The following VAMP7 variants were observed in gnomAD, a reference collection of about 807,000 sequenced individuals.
The protein encoded by VAMP7 is vesicle associated membrane protein 7, also known as vesicle-associated membrane protein 7.
In VAMP7, 14 loss-of-function variants were observed where a neutral mutation model predicts 29.6. The ratio of observed to expected loss-of-function variants is 0.47; its 90% confidence interval spans 0.31 to 0.74. The LOEUF is 0.74. Ranked by LOEUF, VAMP7 falls within the 30% of genes least tolerant of loss-of-function variation. The pLI, the probability that VAMP7 is intolerant of heterozygous loss-of-function variation, is 0.05. For missense variants in VAMP7, 223 were observed against 262.4 expected, an observed-to-expected ratio of 0.85 and a Z score of 1.04; for synonymous variants, 95 against 88.1, an observed-to-expected ratio of 1.08 and a Z score of -0.44.
At chrX:155,940,748 A>G (rs1170559622) in intron 7 of VAMP7, among the ~76,000 whole-genome samples, 1 of 152,196 alleles carries the variant, frequency 6.6e-6, no homozygotes, top group African/African-American at 2.4e-5. Context: ...TCAACTTTAC[A>G]TCAAGTTGGT....
intron 6 of VAMP7, among the ~76,000 whole-genome samples, chrX:155,932,082 C>T (rs1296011997): frequency 6.6e-6 from 1 of 152,132 alleles, no homozygotes; most frequent in African/African-American, 2.4e-5. Flanking sequence ...TGTTTTGGTA[C>T]CAGTACCATG....
rs745430429 is a variant in VAMP7, at chrX:155,941,805, G to T, written c.595-78G>T. On this transcript the variant is annotated intron_variant, in intron 7 of 7. Coordinates refer to ENST00000286448, the MANE Select transcript of VAMP7 (RefSeq NM_005638.6). ...GGAATCAGAAGTATTTCTTAATAAG[G>T]CTCTACTTTCCTATATATATTATTT... 44 of 1,448,408 alleles carry T rather than the reference G, an allele frequency of 3.0e-5. No homozygotes were observed. The African/African-American group carries it at 6.0e-4, about 20-fold the overall frequency. The allele number at this position is 1,448,408 out of a possible 1,614,324, so 89.7% of individuals were successfully genotyped here.
intron 6 of VAMP7, among the ~76,000 whole-genome samples, chrX:155,931,130 T>C (rs977999715): frequency 2.6e-5 from 4 of 152,220 alleles, no homozygotes; most frequent in Non-Finnish European, 5.9e-5. Flanking sequence ...TTTGGGTTGG[T>C]TCCAGGTCTT....
chrX:155,911,857 G>C (rs2066242320), intron 5 of VAMP7, among the ~76,000 whole-genome samples: 1 of 151,938 alleles, frequency 6.6e-6, no homozygotes, highest in African/African-American at 2.4e-5. Context: ...GGAGTTTTTT[G>C]GTGGAGTCTT....
intron 6 of VAMP7, among the ~76,000 whole-genome samples, chrX:155,929,206 G>A (rs992637173): frequency 6.6e-6 from 1 of 152,094 alleles, no homozygotes; most frequent in African/African-American, 2.4e-5. Context: ...CCAAGTTTGA[G>A]GACTGCAACC....
chrX:155,915,271 C>T (rs140402702), intron 5 of VAMP7, among the ~76,000 whole-genome samples: 2,220 of 151,892 alleles, frequency 0.015, 52 homozygotes, highest in Middle Eastern at 0.061. Flanking sequence ...TTATTAGTCT[C>T]GCTAGCAGTC....
intron 5 of VAMP7, among the ~76,000 whole-genome samples, chrX:155,907,283 A>G (rs867242599): frequency 6.7e-6 from 1 of 149,812 alleles, no homozygotes; most frequent in Non-Finnish European, 1.5e-5. Context: ...TTATTTTATT[A>G]TTTTTTTTTA....
At chrX:155,928,889 T>C (rs1455926532) in intron 6 of VAMP7, among the ~76,000 whole-genome samples, 1 of 152,254 alleles carries the variant, frequency 6.6e-6, no homozygotes, top group East Asian at 1.9e-4. Context: ...TTTATTAGTT[T>C]CATTCCTCAC....
chrX:155,897,971 C>A (rs2066008254), intron 3 of VAMP7, 141 bp from the exon 4 acceptor site: 3 of 1,096,408 alleles, frequency 2.7e-6, no homozygotes, highest in South Asian at 1.9e-5. Flanking sequence ...CTTTACTTAT[C>A]TTTAAGATAG....
chrX:155,904,806 T>G (rs1007609187), intron 5 of VAMP7, among the ~76,000 whole-genome samples: 1 of 151,702 alleles, frequency 6.6e-6, no homozygotes, highest in Non-Finnish European at 1.5e-5. Context: ...TAATGCATTT[T>G]ATGTATCTAC....
At chrX:155,892,239 T>G (rs936416840) in intron 2 of VAMP7, among the ~76,000 whole-genome samples, 2 of 152,116 alleles carry the variant, frequency 1.3e-5, no homozygotes, top group Non-Finnish European at 2.9e-5. Context: ...AGGAATGCTG[T>G]TCTCCCCCTA....
intron 7 of VAMP7, among the ~76,000 whole-genome samples, chrX:155,941,435 G>T (rs1329695186): frequency 6.6e-6 from 1 of 152,106 alleles, no homozygotes; most frequent in Non-Finnish European, 1.5e-5. Context: ...ATAGATGAAA[G>T]CCTTCTACTC....
intron 1 of VAMP7, among the ~76,000 whole-genome samples, chrX:155,882,468 C>T: frequency 6.6e-6 from 1 of 152,322 alleles, no homozygotes; most frequent in Non-Finnish European, 1.5e-5. Context: ...GTAATACCAA[C>T]AGGAATAATC....
chrX:155,895,759 G>A (rs1393031024), intron 3 of VAMP7, 79 bp downstream of exon 3: 1 of 1,334,782 alleles, frequency 7.5e-7, no homozygotes, highest in Non-Finnish European at 1.1e-6. Context: ...TATACCAGGG[G>A]TCCCCAACCC....
Position 155,942,404 on chromosome X carries a change from A to C in VAMP7, c.*453A>C. 2.1e-6 allele frequency: 1 copy of C among 474,028 alleles called. No individual in the cohort carries two copies. The highest frequency in any genetic ancestry group is 3.7e-6 in the Non-Finnish European group (1 of 269,660). The allele number at this position is 474,028 out of a possible 1,614,324, so 29.4% of individuals were successfully genotyped here. A position where few individuals can be genotyped will look rare whatever the true frequency, so the allele number is the denominator to read the frequency against. ...AGTTTTAGGTGCTTCAAAACAATAT[A>C]AATGGATAATAGTTGTTATTTGGGG... is the stretch of plus-strand genomic sequence containing the variant. On this transcript the variant is annotated 3_prime_UTR_variant, in exon 8 of 8. Coordinates refer to ENST00000286448, the MANE Select transcript of VAMP7 (RefSeq NM_005638.6).
In VAMP7 at chrX:155,940,762, C is replaced by T. The variant is rs113618638; in HGVS notation, c.594+969C>T. Among the ~76,000 whole-genome samples the T allele has an allele frequency of 2.8e-3, 429 of 152,150 alleles. 2 individuals carry two copies. The highest frequency in any genetic ancestry group is 4.5e-3 in the Non-Finnish European group (305 of 67,998). On this transcript the variant is annotated intron_variant, in intron 7 of 7. Transcript: ENST00000286448. Reference sequence around the variant, plus strand: ...GTCAACTTTACATCAAGTTGGTAAACTTTACATTTGTGGCATGTGTATGTG... The same window carrying T: ...GTCAACTTTACATCAAGTTGGTAAATTTTACATTTGTGGCATGTGTATGTG...
At position 155,937,889 on chromosome X, in the gene VAMP7, C is replaced by A. The variant is rs183039153; in HGVS notation, c.502-1812C>A. ...CTTGATCAGTTTTCCGTGTATCTTA[C>A]ATCTTCTTTCATGATTTACAACCTA... On this transcript the variant is annotated intron_variant, in intron 6 of 7. Transcript: ENST00000286448. Among the ~76,000 whole-genome samples the A allele has an allele frequency of 1.2e-3, 176 of 152,236 alleles. 2 individuals are homozygous for A. Among genetic ancestry groups the A allele is most frequent in the African/African-American group, 4.2e-3 (173 of 41,556 alleles).
intron 4 of VAMP7, 55 bp downstream of exon 4, chrX:155,898,304 A>C (rs1450010424): frequency 2.5e-6 from 4 of 1,591,324 alleles, no homozygotes; most frequent in African/African-American, 1.4e-5. Context: ...CATTACCTTC[A>C]AACACTATGA....
chrX:155,929,450 C>T (rs769965383), intron 6 of VAMP7, among the ~76,000 whole-genome samples: 2 of 152,044 alleles, frequency 1.3e-5, no homozygotes, highest in Non-Finnish European at 2.9e-5. Context: ...ACAGTTGCCC[C>T]CCCTGGGCAT....
Sources: allele counts gnomAD v4.1 joint callset (sites outside exome capture counted in the v4.1 genomes callset), GRCh38; gene constraint gnomAD v4.1.1; transcripts MANE v1.5; gene names NCBI Gene and HGNC (gene_info 2026-07-23, HGNC 2026-07-21).